The following ZNF552 variants were observed in gnomAD, a reference collection of about 807,000 sequenced individuals.
ZNF552 encodes zinc finger protein 552.
ZNF552 carries 2 observed loss-of-function variants against 7.2 expected under a neutral mutation model. The ratio of observed to expected loss-of-function variants is 0.28; its 90% CI spans 0.11 to 0.88. The LOEUF (loss-of-function observed/expected upper bound fraction) is 0.88, where lower values mean the gene tolerates loss of function less well. Among genes scored for constraint, ZNF552 ranks in the 40% least tolerant of loss-of-function variants. The pLI is 0.60. For missense variants in ZNF552, 421 were observed against 493.4 expected (o/e 0.85, Z 1.39); for synonymous variants, 173 against 176.5 (o/e 0.98, Z 0.16).
chr19:57,809,166 A>T, intron 2 of ZNF552, 63 bp from the exon 3 acceptor site: 1 of 1,598,256 alleles, frequency 6.3e-7, no homozygotes. Context: ...CAGACCACCC[A>T]CAAGTGTATC....
Position 57,808,824 on chromosome 19 carries a change from T to TAGGAGAG in ZNF552, c.439_440insCTCTCCT (p.Tyr147SerfsTer8), listed in dbSNP as rs1047126181. Reference sequence around the variant, plus strand: ...CAACGCCTCCTCAACACTCCCTCTGTAGGGTTTCTCTCCAATGTGCTCATT... The same window carrying TAGGAGAG: ...CAACGCCTCCTCAACACTCCCTCTGTAGGAGAGAGGGTTTCTCTCCAATGTGCTCATT... On this transcript the variant is annotated frameshift_variant, in exon 3 of 3. Coordinates refer to ENST00000391701, the MANE Select transcript of ZNF552 (RefSeq NM_024762.3). LOFTEE classifies it low-confidence loss of function (END_TRUNC). 1 of 1,614,002 alleles carries TAGGAGAG rather than the reference T, an allele frequency of 6.2e-7. No homozygotes were observed. The highest frequency in any genetic ancestry group is 1.3e-5 in the African/African-American group (1 of 74,892).
Position 57,813,409 on chromosome 19 carries a change from A to G in ZNF552, c.45T>C (p.Thr15=), listed in dbSNP as rs1390591338. The change falls in exon 2 of 3, where the codon ACT becomes ACC. Residue 15 remains threonine, a synonymous_variant. Transcript: ENST00000391701. ...ALRFPVQGTV[T]FEDVAVKFTQ... is the part of the protein sequence containing the mutation. The stretch of plus-strand genomic sequence containing the variant: ...TAAATTTCACAGCCACGTCTTCAAA[A>G]GTCACTGTGCCCTGTTATGATGTTG... 3 of 1,614,080 alleles carry G rather than the reference A, an allele frequency of 1.9e-6. No homozygotes were observed. Among genetic ancestry groups the G allele is most frequent in the Non-Finnish European group, 2.5e-6 (3 of 1,179,996 alleles).
At position 57,808,304 on chromosome 19, in the gene ZNF552, T is replaced by G. The variant is rs764124682; in HGVS notation, c.960A>C (p.Gly320=). The change falls in exon 3 of 3, where the codon GGA becomes GGC. Residue 320 remains glycine, a synonymous_variant. Coordinates refer to ENST00000391701, the MANE Select transcript of ZNF552 (RefSeq NM_024762.3). ...AATCACTGCATTCATATGGCCTTTCTCCAGTGTGAACTCTCTGGTGTGCAA... is the reference window on the plus strand; with the variant it reads ...AATCACTGCATTCATATGGCCTTTCGCCAGTGTGAACTCTCTGGTGTGCAA... ...HLIAHQRVHT[G]ERPYECSDCG... is the part of the protein sequence containing the mutation. The G allele has an allele frequency of 6.2e-7, 1 of 1,614,146 alleles. No individual in the cohort carries two copies. Among genetic ancestry groups the G allele is most frequent in the Non-Finnish European group, 8.5e-7 (1 of 1,180,016 alleles).
chr19:57,811,137 C>G (rs1001807437), intron 2 of ZNF552, among the ~76,000 whole-genome samples: 4 of 151,176 alleles, frequency 2.6e-5, no homozygotes, highest in Non-Finnish European at 5.9e-5. Flanking sequence ...GTATGCTGAG[C>G]GCCAGTCCCC....
In ZNF552 at chr19:57,809,160, C is replaced by A. The variant is rs542074019; in HGVS notation, c.161-57G>T. ...GTTAACTCTGGTGGGAAGGCACAGA[C>A]CACCCACAAGTGTATCTGAAAAACT... On this transcript the variant is annotated intron_variant, in intron 2 of 2. Coordinates refer to ENST00000391701, the MANE Select transcript of ZNF552 (RefSeq NM_024762.3). 1.9e-5 allele frequency: 30 copies of A among 1,589,172 alleles called. No homozygotes were observed. In the East Asian group the frequency reaches 3.4e-4, roughly 18 times the overall value.
intron 1 of ZNF552, 54 bp downstream of exon 1, chr19:57,814,657 T>G (rs759354465): frequency 6.2e-7 from 1 of 1,613,910 alleles, no homozygotes; most frequent in Non-Finnish European, 8.5e-7. Context: ...CTCGCTGCTT[T>G]AGGACTTGTG....
rs1441544859 is a variant in ZNF552, at chr19:57,808,958, G to C, written c.306C>G (p.Asp102Glu). The C allele has an allele frequency of 1.0e-5, 16 of 1,599,618 alleles. No homozygotes were observed. Among genetic ancestry groups the C allele is most frequent in the Non-Finnish European group, 1.1e-5 (13 of 1,171,532 alleles). The change falls in exon 3 of 3, where the codon GAC becomes GAG. Residue 102 changes from aspartate to glutamate, a missense_variant. Coordinates refer to ENST00000391701, the MANE Select transcript of ZNF552 (RefSeq NM_024762.3). ...PCEMCGPILG[D>E]ILHVADHQGT... ...CCTGATGATCTGCCACATGCAAAAT[G>C]TCTCCCAAGATCGGGCCACACATCT...
chr19:57,814,340 G>T, intron 1 of ZNF552: 1 of 657,252 alleles, frequency 1.5e-6, no homozygotes, highest in Non-Finnish European at 2.6e-6. Context: ...CCTGGACTTT[G>T]ATCCAGTCCC....
chr19:57,808,097 A>C lies in ZNF552; in HGVS notation c.1167T>G (p.Phe389Leu), dbSNP rs1987775615. The C allele has an allele frequency of 1.9e-6, 3 of 1,614,076 alleles. No homozygotes were observed. Among genetic ancestry groups the C allele is most frequent in the East Asian group, 4.5e-5 (2 of 44,888 alleles). The change falls in exon 3 of 3, where the codon TTT becomes TTG. Residue 389 changes from phenylalanine to leucine, a missense_variant. Phe to Leu is a conservative substitution (Grantham distance 22, BLOSUM62 0). Around this residue, in one of 2 missense-constraint regions of ZNF552, gnomAD observed 299 missense variants for 293.7 expected, o/e 1.02. Transcript: ENST00000391701. ...GATGACGAAGTGAAGAGATTTGCCTAAATTTTTTTTCACATTCACTGCACC... is the reference window on the plus strand; with the variant it reads ...GATGACGAAGTGAAGAGATTTGCCTCAATTTTTTTTCACATTCACTGCACC... Reference protein sequence around the residue: ...PYGCSECEKKFRQISSLRHHQ... With the variant: ...PYGCSECEKKLRQISSLRHHQ...
chr19:57,807,315 T>C lies in ZNF552; in HGVS notation c.*725A>G, dbSNP rs1241544676. 6.6e-6 allele frequency: 1 copy of C among 152,074 alleles called. No homozygotes were observed. The highest frequency in any genetic ancestry group is 1.5e-5 in the Non-Finnish European group (1 of 68,018). 9.4% of individuals were successfully genotyped at this position (152,074 alleles called of 1,614,324 possible). A position where few individuals can be genotyped will look rare whatever the true frequency, so the allele number is the denominator to read the frequency against. ...GGCTCACGCCTGCAATCCCAACACT[T>C]TGAGAGGCCAAGGCGGGCAGATCAC... is the stretch of plus-strand genomic sequence containing the variant. On this transcript the variant is annotated 3_prime_UTR_variant, in exon 3 of 3. Coordinates refer to ENST00000391701, the MANE Select transcript of ZNF552 (RefSeq NM_024762.3).
rs929532717 is a variant in ZNF552 at position 57,807,312 on chromosome 19, A to T, written c.*728T>A. 3 of 152,236 alleles carry T rather than the reference A, an allele frequency of 2.0e-5. No individual in the cohort carries two copies. The highest frequency in any genetic ancestry group is 7.2e-5 in the African/African-American group (3 of 41,466). The allele number at this position is 152,236 out of a possible 1,614,324, so 9.4% of individuals were successfully genotyped here. On this transcript the variant is annotated 3_prime_UTR_variant, in exon 3 of 3. Coordinates refer to ENST00000391701, the MANE Select transcript of ZNF552 (RefSeq NM_024762.3). ...AGTGGCTCACGCCTGCAATCCCAAC[A>T]CTTTGAGAGGCCAAGGCGGGCAGAT...
chr19:57,813,522 T>C, intron 1 of ZNF552, 102 bp from the exon 2 acceptor site: 5 of 1,441,604 alleles, frequency 3.5e-6, no homozygotes, highest in South Asian at 1.3e-5. Context: ...CCTCTCAAGG[T>C]CCTCAAACAT....
Position 57,813,277 on chromosome 19 carries a change from G to A in ZNF552, c.160+17C>T, listed in dbSNP as rs1987891497. ...AGAGACTAGCTCAGGTCACAGGGGT[G>A]AGTGTGGGCAACTTACCCAGGGAGG... On this transcript the variant is annotated intron_variant, in intron 2 of 2. Coordinates refer to ENST00000391701, the MANE Select transcript of ZNF552 (RefSeq NM_024762.3). 2 of 1,613,928 alleles carry A rather than the reference G, an allele frequency of 1.2e-6. No homozygotes were observed. The highest frequency in any genetic ancestry group is 1.7e-6 in the Non-Finnish European group (2 of 1,179,972).
In ZNF552 at chr19:57,808,796, A is replaced by G; in HGVS notation, c.468T>C (p.Phe156=). Residue 156 remains phenylalanine (F), a synonymous_variant, in exon 3 of 3, where the codon TTT becomes TTC. Coordinates refer to ENST00000391701, the MANE Select transcript of ZNF552 (RefSeq NM_024762.3). The part of the protein sequence containing the change: ...PYRGSVEEAL[F]AKRCKLHVSG... ...ACACATGCAACTTACACCTCTTCGCAAACAACGCCTCCTCAACACTCCCTC... is the reference window on the plus strand; with the variant it reads ...ACACATGCAACTTACACCTCTTCGCGAACAACGCCTCCTCAACACTCCCTC... 1 of 1,614,180 alleles carries G rather than the reference A, an allele frequency of 6.2e-7. No homozygotes were observed. Among genetic ancestry groups the G allele is most frequent in the East Asian group, 2.2e-5 (1 of 44,872 alleles).
At chr19:57,812,875 G>A (rs575234081) in intron 2 of ZNF552, among the ~76,000 whole-genome samples, 11 of 152,278 alleles carry the variant, frequency 7.2e-5, no homozygotes, top group African/African-American at 2.6e-4. Context: ...GACCTATGAA[G>A]AGAATTTCTA....
At chr19:57,809,259 TACTGG>T (rs1210616463) in intron 2 of ZNF552, 156 bp from the exon 3 acceptor site, 2 of 1,515,120 alleles carry the variant, frequency 1.3e-6, no homozygotes, top group African/African-American at 2.8e-5. Context: ...TATGTATTAT[TACTGG>T]ACTATAATGG....
chr19:57,811,217 G>A (rs549032042), intron 2 of ZNF552, among the ~76,000 whole-genome samples: 24 of 151,972 alleles, frequency 1.6e-4, no homozygotes, highest in African/African-American at 4.8e-4. Context: ...CTGTTGCTCA[G>A]GCTGGAGTGC....
Position 57,814,834 on chromosome 19 carries a change from A to C in ZNF552, c.-91T>G. On this transcript the variant is annotated 5_prime_UTR_variant, in exon 1 of 3. Transcript: ENST00000391701. ...TGTGCAAAGAGAAGAACGACTCTCG[A>C]CCTCCTGGATCCAGTCACCACCACG... 7.5e-7 allele frequency: 1 copy of C among 1,331,920 alleles called. No homozygotes were observed. The highest frequency in any genetic ancestry group is 1.0e-6 in the Non-Finnish European group (1 of 963,504). 82.5% of individuals were successfully genotyped at this position (1,331,920 alleles called of 1,614,324 possible).
At chr19:57,810,236 G>A (rs1987828348) in intron 2 of ZNF552, among the ~76,000 whole-genome samples, 1 of 152,062 alleles carries the variant, frequency 6.6e-6, no homozygotes, top group Non-Finnish European at 1.5e-5. Context: ...TTGGGAGGCA[G>A]AGCTGGGCGG....
Sources: allele counts gnomAD v4.1 joint callset (sites outside exome capture counted in the v4.1 genomes callset), GRCh38; gene constraint gnomAD v4.1.1; regional missense constraint gnomAD v4.1.1; transcripts MANE v1.5; gene names NCBI Gene and HGNC (gene_info 2026-07-23, HGNC 2026-07-21).